The following ASIC2 variants were observed in gnomAD, a reference collection of about 807,000 sequenced individuals.
ASIC2 encodes the protein acid-sensing ion channel 2.
In ASIC2, 25 loss-of-function variants were observed where a neutral mutation model predicts 57.3. That is an observed-to-expected ratio of 0.44 (90% CI 0.32 to 0.61). The LOEUF (loss-of-function observed/expected upper bound fraction) is 0.61, where lower values mean the gene tolerates loss of function less well. ASIC2 is among the 20% of genes least tolerant of loss of function. The pLI is 0.06. For synonymous variants in ASIC2, 319 were observed against 307.5 expected (o/e 1.04, Z -0.39); for missense variants, 641 against 738.1 (o/e 0.87, Z 1.52).
intron 1 of ASIC2, among the ~76,000 whole-genome samples, chr17:34,064,175 A>G (rs909161600): frequency 4.6e-5 from 7 of 152,234 alleles, no homozygotes; most frequent in African/African-American, 1.7e-4. Context: ...GTATAAAAAT[A>G]GGCACATAGA....
intron 3 of ASIC2, among the ~76,000 whole-genome samples, chr17:33,054,743 C>A (rs1387424471): frequency 1.3e-5 from 2 of 152,230 alleles, no homozygotes; most frequent in Admixed American, 1.3e-4. Context: ...TAAACCATCA[C>A]TCAGATATAA....
At chr17:33,273,075 G>A (rs1597660846) in intron 1 of ASIC2, among the ~76,000 whole-genome samples, 1 of 152,136 alleles carries the variant, frequency 6.6e-6, no homozygotes, top group Admixed American at 6.5e-5. Flanking sequence ...TTTCATTCTG[G>A]CAATGTAGGA....
chr17:33,298,839 A>G (rs1905830134), intron 1 of ASIC2, among the ~76,000 whole-genome samples: 1 of 152,226 alleles, frequency 6.6e-6, no homozygotes, highest in African/African-American at 2.4e-5. Context: ...CCCATTCACA[A>G]TTGCTTCAAA....
At chr17:33,558,845 C>T (rs1915987694) in intron 1 of ASIC2, among the ~76,000 whole-genome samples, 1 of 152,078 alleles carries the variant, frequency 6.6e-6, no homozygotes, top group Non-Finnish European at 1.5e-5. Context: ...CAGCCTAATG[C>T]AACCTCTGCC....
chr17:34,013,789 T>C (rs1251045094), intron 1 of ASIC2, among the ~76,000 whole-genome samples: 1 of 152,216 alleles, frequency 6.6e-6, no homozygotes, highest in African/African-American at 2.4e-5. Flanking sequence ...TTCCTTGTCC[T>C]ACCTTTACCC....
At chr17:33,020,473 C>T (rs774620063) in intron 7 of ASIC2, among the ~76,000 whole-genome samples, 2 of 152,136 alleles carry the variant, frequency 1.3e-5, no homozygotes, top group Non-Finnish European at 2.9e-5. Flanking sequence ...TTACAGGCAT[C>T]AGATCCTTTC....
At chr17:33,468,485 A>T (rs1912933293) in intron 1 of ASIC2, among the ~76,000 whole-genome samples, 1 of 152,190 alleles carries the variant, frequency 6.6e-6, no homozygotes, top group Non-Finnish European at 1.5e-5. Flanking sequence ...CGTATTATAT[A>T]CTTCTAAAAC....
At chr17:34,071,153 G>T (rs900394694) in intron 1 of ASIC2, 1 of 147,074 alleles carries the variant, frequency 6.8e-6, no homozygotes, top group African/African-American at 2.6e-5. Context: ...GATTAGGCCA[G>T]ATATCTCCAT....
At chr17:33,799,479 C>T (rs796704895) in intron 1 of ASIC2, among the ~76,000 whole-genome samples, 98 of 40,824 alleles carry the variant, frequency 2.4e-3, no homozygotes, top group African/African-American at 5.6e-3. Flanking sequence ...TCTTTCTTTC[C>T]TTCTTTCTTT....
At position 33,274,716 on chromosome 17, in the gene ASIC2, C is replaced by T. The variant is rs367849489; in HGVS notation, c.708+16692G>A. Among the ~76,000 whole-genome samples the T allele has an allele frequency of 7.8e-4, 119 of 152,272 alleles. 3 individuals carry two copies. In the South Asian group the frequency reaches 0.024, roughly 31 times the overall value. ...CTTTAGCATTAAAAAACAAAATTTC[C>T]CCAGATGATTTCTAATGTGCAGCTA... On this transcript the variant is annotated intron_variant, in intron 1 of 9. Transcript: ENST00000225823.
At chr17:33,076,557 C>A (rs2092089735) in intron 3 of ASIC2, among the ~76,000 whole-genome samples, 1 of 152,234 alleles carries the variant, frequency 6.6e-6, no homozygotes, top group East Asian at 1.9e-4. Flanking sequence ...TTCCTCTGAG[C>A]AGCTCTCAGT....
At chr17:34,065,764 A>C (rs1253074976) in intron 1 of ASIC2, among the ~76,000 whole-genome samples, 1 of 152,174 alleles carries the variant, frequency 6.6e-6, no homozygotes. Context: ...GCATGCAACA[A>C]GTTAAAAAGT....
At chr17:33,762,604 C>T (rs541999245) in intron 1 of ASIC2, among the ~76,000 whole-genome samples, 2 of 152,290 alleles carry the variant, frequency 1.3e-5, no homozygotes, top group East Asian at 1.9e-4. Context: ...TCAGAAAGGC[C>T]GCTCCCATAG....
intron 1 of ASIC2, chr17:34,118,508 T>G (rs185282642): frequency 6.6e-6 from 1 of 152,220 alleles, no homozygotes; most frequent in South Asian, 2.1e-4. Context: ...GCAGTCACCA[T>G]GCACTGCCCG....
chr17:34,116,753 G>C (rs1911433905), intron 1 of ASIC2, among the ~76,000 whole-genome samples: 1 of 152,130 alleles, frequency 6.6e-6, no homozygotes. Flanking sequence ...ATTTCCCATG[G>C]CATGATTCTG....
chr17:33,919,936 C>A (rs1261599394), intron 1 of ASIC2, among the ~76,000 whole-genome samples: 1 of 152,168 alleles, frequency 6.6e-6, no homozygotes, highest in Non-Finnish European at 1.5e-5. Flanking sequence ...ACATCACTAA[C>A]CATCAGAGAG....
chr17:33,280,989 C>G (rs1319075442), intron 1 of ASIC2, among the ~76,000 whole-genome samples: 1 of 152,132 alleles, frequency 6.6e-6, no homozygotes, highest in African/African-American at 2.4e-5. Context: ...CCATCAGAAT[C>G]AGATGGGGAT....
intron 2 of ASIC2, among the ~76,000 whole-genome samples, chr17:33,106,173 A>G (rs2092233579): frequency 6.6e-6 from 1 of 152,164 alleles, no homozygotes; most frequent in Non-Finnish European, 1.5e-5. Flanking sequence ...AAGAAGCAGC[A>G]GGGAAGCCTG....
intron 1 of ASIC2, among the ~76,000 whole-genome samples, chr17:33,167,714 A>C (rs1049840074): frequency 6.6e-6 from 1 of 152,228 alleles, no homozygotes; most frequent in Non-Finnish European, 1.5e-5. Flanking sequence ...AGCCATGCTC[A>C]GCAAAACTAG....
Sources: allele counts gnomAD v4.1 joint callset (sites outside exome capture counted in the v4.1 genomes callset), GRCh38; gene constraint gnomAD v4.1.1; transcripts MANE v1.5; gene names NCBI Gene and HGNC (gene_info 2026-07-23, HGNC 2026-07-21).